GYS1: variants seen among roughly 807,000 people sequenced by gnomAD.
The protein encoded by GYS1 is glycogen synthase 1.
GYS1 carries 60 observed loss-of-function variants against 89.1 expected under a neutral mutation model. The observed-to-expected ratio is 0.67, with a 90% CI of 0.55 to 0.84. The LOEUF (loss-of-function observed/expected upper bound fraction) is 0.84. Ranked by LOEUF, GYS1 falls within the 40% of genes least tolerant of loss-of-function variation. The probability of loss-of-function intolerance (pLI) is 0.00; values close to 1 mark genes in which losing one functional copy is unlikely to be tolerated. For missense variants in GYS1, 888 were observed against 1,003.1 expected (o/e 0.89, Z 1.55); for synonymous variants, 366 against 401.7 (o/e 0.91, Z 1.06).
At position 48,969,366 on chromosome 19, in the gene GYS1, G is replaced by T; in HGVS notation, c.2136C>A (p.Asp712Glu). 1 of 1,582,102 alleles carries T rather than the reference G, an allele frequency of 6.3e-7. No individual in the cohort carries two copies. Among genetic ancestry groups the T allele is most frequent in the Non-Finnish European group, 8.6e-7 (1 of 1,169,174 alleles). The stretch of plus-strand genomic sequence containing the variant: ...TGCTGAGTGAGCTGGAGGTGGCCGT[G>T]TCCACAGAGTTGCGCTTGCTGCCGC... ...STSGSKRNSV[D>E]TATSSSLSTP... Residue 712 changes from aspartate to glutamate, a missense_variant, in exon 16 of 16, where the codon GAC (aspartate) becomes GAA (glutamate). Coordinates refer to ENST00000323798, the MANE Select transcript of GYS1 (RefSeq NM_002103.5).
intron 12 of GYS1, among the ~76,000 whole-genome samples, chr19:48,972,263 G>T (rs1025729263): frequency 6.6e-6 from 1 of 151,746 alleles, no homozygotes; most frequent in African/African-American, 2.4e-5. Context: ...ACTTGAACCC[G>T]GGAGGCGGTT....
chr19:48,971,370 CT>C (rs887552663), intron 12 of GYS1, among the ~76,000 whole-genome samples: 23 of 152,102 alleles, frequency 1.5e-4, no homozygotes, highest in Non-Finnish European at 2.9e-4. Context: ...TTGTCACAAC[CT>C]GTAAGATCCT....
rs1033597488 is a variant in GYS1 at position 48,982,709 on chromosome 19, G to GC, written c.941+10dup. 27 of 1,532,770 alleles carry GC rather than the reference G, an allele frequency of 1.8e-5. No homozygotes were observed. The highest frequency in any genetic ancestry group is 2.4e-5 in the Non-Finnish European group (27 of 1,106,292). 94.9% of individuals were successfully genotyped at this position (1,532,770 alleles called of 1,614,324 possible). On this transcript the variant is annotated intron_variant, in intron 6 of 15. Transcript: ENST00000323798. ...CTCCTCTCTTAAGACCTAGGTATAT[G>GC]CCCCACGTACCCATAAAAATGGCCC... is the stretch of plus-strand genomic sequence containing the variant.
chr19:48,973,799 G>A (rs1025122880), intron 12 of GYS1, among the ~76,000 whole-genome samples: 6 of 152,278 alleles, frequency 3.9e-5, no homozygotes, highest in Admixed American at 2.0e-4. Context: ...TTACAGGCAT[G>A]AGCCACCACG....
Position 48,993,129 on chromosome 19 carries a change from G to GCCA in GYS1, c.-18_-17insTGG. The GCCA allele has an allele frequency of 7.1e-7, 1 of 1,400,830 alleles. No homozygotes were observed. The highest frequency in any genetic ancestry group is 1.0e-6 in the Non-Finnish European group (1 of 985,882). The allele number at this position is 1,400,830 out of a possible 1,614,324, so 86.8% of individuals were successfully genotyped here. On this transcript the variant is annotated 5_prime_UTR_variant, in exon 1 of 16. Transcript: ENST00000323798. The stretch of plus-strand genomic sequence containing the variant: ...TAAAGGCATGGCTGGCGCAGGAAGG[G>GCCA]GGGCTCCGGGGATCTCCAGGTAGGG...
At chr19:48,982,463 G>T in intron 6 of GYS1, 88 bp from the exon 7 acceptor site, 5 of 1,479,640 alleles carry the variant, frequency 3.4e-6, no homozygotes, top group Non-Finnish European at 4.7e-6. Context: ...GCTATGGGTG[G>T]GGGGGCAGAG....
rs1419163800 is a variant in GYS1, at chr19:48,969,458, C to T, written c.2044G>A (p.Ala682Thr). 3 of 1,544,890 alleles carry T rather than the reference C, an allele frequency of 1.9e-6. No homozygotes were observed. The highest frequency in any genetic ancestry group is 2.0e-5 in the Admixed American group (1 of 51,026). ...GERYDEDEEA[A>T]KDRRNIRAPE... is the part of the protein sequence containing the mutation. ...GCACGGATGTTGCGCCGGTCCTTGG[C>T]GGCCTCCTCGTCCTCATCGTAGCGC... The change falls in exon 16 of 16, where the codon GCC becomes ACC. Residue 682 changes from alanine to threonine, a missense_variant. Coordinates refer to ENST00000323798, the MANE Select transcript of GYS1 (RefSeq NM_002103.5).
rs777178030 is a variant in GYS1, at chr19:48,979,336, C to CTTTTT, written c.1170-1184_1170-1180dup. 3.0e-3 allele frequency among the ~76,000 whole-genome samples: 275 copies of CTTTTT among 92,440 alleles called. 10 individuals carry two copies. Among genetic ancestry groups the CTTTTT allele is most frequent in the Non-Finnish European group, 4.4e-3 (198 of 44,722 alleles). 60.6% of individuals were successfully genotyped at this position (92,440 alleles called of 152,430 possible). A position where few individuals can be genotyped will look rare whatever the true frequency, so the allele number is the denominator to read the frequency against. On this transcript the variant is annotated intron_variant, in intron 8 of 15. Transcript: ENST00000323798. ...TTTGTCTCTTTTTCTTTTTTCTTTT[C>CTTTTT]TTTTTTTTTTTTTTTTTTTTTTTTT...
rs548542756 is a variant in GYS1 at position 48,969,267 on chromosome 19, G to A, written c.*21C>T. On this transcript the variant is annotated 3_prime_UTR_variant, in exon 16 of 16. Transcript: ENST00000323798. Reference sequence around the variant, plus strand: ...TCTGGAGCAGAGAGGCAGGACAGGCGGGGAGTGTGGTGGGGCGGACTTAGT... The same window carrying A: ...TCTGGAGCAGAGAGGCAGGACAGGCAGGGAGTGTGGTGGGGCGGACTTAGT... 2.4e-5 allele frequency: 36 copies of A among 1,529,164 alleles called. No homozygotes were observed. The highest frequency in any genetic ancestry group is 6.8e-5 in the African/African-American group (5 of 73,072). 94.7% of individuals were successfully genotyped at this position (1,529,164 alleles called of 1,614,324 possible).
chr19:48,970,099 T>C (rs1370079088), intron 14 of GYS1, among the ~76,000 whole-genome samples: 1 of 152,130 alleles, frequency 6.6e-6, no homozygotes, highest in Non-Finnish European at 1.5e-5. Context: ...GCCACACCCT[T>C]ATGCAAATGA....
intron 8 of GYS1, among the ~76,000 whole-genome samples, chr19:48,979,578 C>G (rs1345277902): frequency 6.6e-6 from 1 of 150,906 alleles, no homozygotes; most frequent in African/African-American, 2.4e-5. Flanking sequence ...CTCAAGTGAT[C>G]TGCCCTCCTC....
intron 1 of GYS1, among the ~76,000 whole-genome samples, chr19:48,992,466 C>A (rs1023420665): frequency 3.4e-5 from 1 of 29,012 alleles, no homozygotes; most frequent in Non-Finnish European, 6.1e-5. Flanking sequence ...AGGCCCTCAG[C>A]TCCTTCAAAG....
rs560070875 is a variant in GYS1, at chr19:48,985,953, C to A, written c.575G>T (p.Arg192Leu). 1 of 1,614,140 alleles carries A rather than the reference C, an allele frequency of 6.2e-7. No individual in the cohort carries two copies. Among genetic ancestry groups the A allele is most frequent in the Non-Finnish European group, 8.5e-7 (1 of 1,180,016 alleles). ...WLAGVGLCLCRARRLPVATIF... is the reference protein window; with the variant it reads ...WLAGVGLCLCLARRLPVATIF... ...GGTTGCTACAGGCAGTCGCCGGGCA[C>A]GACACAGGCAGAGTCCAACGCCTGC... The change falls in exon 4 of 16, where the codon CGT (arginine) becomes CTT (leucine). Residue 192 changes from arginine (R) to leucine (L), a missense_variant. Transcript: ENST00000323798.
Position 48,987,395 on chromosome 19 carries a change from G to A in GYS1, c.301-10C>T, listed in dbSNP as rs2122525723. On this transcript the variant is annotated splice_polypyrimidine_tract_variant and intron_variant, in intron 2 of 15. Transcript: ENST00000323798. The stretch of plus-strand genomic sequence containing the variant: ...AGCGCCCGAAATACACCTGGGATGG[G>A]GTTGGGGAGGCACCATAGGGAGGCT... The A allele has an allele frequency of 2.5e-6, 4 of 1,579,892 alleles. No individual in the cohort carries two copies. In the South Asian group the frequency reaches 4.6e-5, roughly 18 times the overall value.
intron 5 of GYS1, among the ~76,000 whole-genome samples, chr19:48,984,497 G>T (rs2038811229): frequency 6.6e-6 from 1 of 150,866 alleles, no homozygotes; most frequent in African/African-American, 2.4e-5. Context: ...CTGGGTTCAA[G>T]TGATTCTCCT....
At chr19:48,981,780 CCTT>C (rs2038767900) in intron 7 of GYS1, 144 bp from the exon 8 acceptor site, 4 of 643,084 alleles carry the variant, frequency 6.2e-6, no homozygotes, top group Non-Finnish European at 8.4e-6. Flanking sequence ...TGGACTCTGA[CCTT>C]CTTTCTGGGT....
chr19:48,970,490 C>T, intron 14 of GYS1, 56 bp downstream of exon 14: 1 of 1,476,628 alleles, frequency 6.8e-7, no homozygotes, highest in Non-Finnish European at 9.5e-7. Flanking sequence ...GCACCAAAGA[C>T]CCCTAGCCAG....
Position 48,987,383 on chromosome 19 carries a change from C to G in GYS1, c.303G>C (p.Val101=). The change falls in exon 3 of 16, where the codon GTG becomes GTC. Residue 101 remains valine (V), a splice_region_variant and synonymous_variant. Coordinates refer to ENST00000323798, the MANE Select transcript of GYS1 (RefSeq NM_002103.5). The stretch of plus-strand genomic sequence containing the variant: ...CCTCGATCAGCCAGCGCCCGAAATA[C>G]ACCTGGGATGGGGTTGGGGAGGCAC... ...LDSMNSKGCK[V]YFGRWLIEGG... is the part of the protein sequence containing the mutation. 6.3e-7 allele frequency: 1 copy of G among 1,596,762 alleles called. No homozygotes were observed. Among genetic ancestry groups the G allele is most frequent in the Non-Finnish European group, 8.5e-7 (1 of 1,170,716 alleles).
At chr19:48,972,582 G>A (rs2038582819) in intron 12 of GYS1, among the ~76,000 whole-genome samples, 1 of 151,902 alleles carries the variant, frequency 6.6e-6, no homozygotes, top group South Asian at 2.1e-4. Flanking sequence ...GGGTTCAAAC[G>A]ATTCTCCCAC....
Sources: allele counts gnomAD v4.1 joint callset (sites outside exome capture counted in the v4.1 genomes callset), GRCh38; gene constraint gnomAD v4.1.1; transcripts MANE v1.5; gene names NCBI Gene and HGNC (gene_info 2026-07-23, HGNC 2026-07-21).